Variants in TJP1 observed in about 807,000 individuals in gnomAD.
TJP1 encodes tight junction protein 1.
Under a neutral mutation model 194.2 loss-of-function variants are expected in TJP1, and 43 were observed. That is an observed-to-expected ratio of 0.22 (90% CI 0.17 to 0.29). The LOEUF (loss-of-function observed/expected upper bound fraction) is 0.29, where lower values mean the gene tolerates loss of function less well. Ranked by LOEUF, TJP1 falls within the 10% of genes least tolerant of loss-of-function variation. The probability of loss-of-function intolerance (pLI) is 1.00; values close to 1 mark genes in which losing one functional copy is unlikely to be tolerated. For synonymous variants in TJP1, 801 were observed against 779.0 expected (o/e 1.03, Z -0.47); for missense variants, 1,971 against 2,185.7 (o/e 0.90, Z 1.96).
chr15:29,834,377 G>A (rs927870214), intron 2 of TJP1, among the ~76,000 whole-genome samples: 8 of 151,616 alleles, frequency 5.3e-5, no homozygotes, highest in African/African-American at 1.5e-4. Context: ...GGCACCACCC[G>A]CCCAGCTAAT....
intron 1 of TJP1, among the ~76,000 whole-genome samples, chr15:29,965,161 G>C (rs943022534): frequency 2.6e-5 from 4 of 151,754 alleles, no homozygotes; most frequent in African/African-American, 9.7e-5. Context: ...CATATGCCTT[G>C]ACCAGTTTTC....
At chr15:29,890,121 G>A (rs1206839973) in intron 2 of TJP1, among the ~76,000 whole-genome samples, 1 of 152,062 alleles carries the variant, frequency 6.6e-6, no homozygotes, top group Non-Finnish European at 1.5e-5. Flanking sequence ...TTCCACCATG[G>A]GCCAGAGAGT....
chr15:29,861,509 C>G (rs1385295534), intron 2 of TJP1, among the ~76,000 whole-genome samples: 3 of 152,178 alleles, frequency 2.0e-5, no homozygotes, highest in Non-Finnish European at 4.4e-5. Context: ...TTTAGCATTC[C>G]AGTAGTGGAA....
At chr15:29,724,416 T>C (rs536049515) in intron 18 of TJP1, among the ~76,000 whole-genome samples, 6 of 152,372 alleles carry the variant, frequency 3.9e-5, no homozygotes, top group African/African-American at 1.4e-4. Flanking sequence ...TTCTGAATAC[T>C]ATAATCCAGT....
intron 2 of TJP1, among the ~76,000 whole-genome samples, chr15:29,917,642 G>A (rs1028412491): frequency 1.3e-5 from 2 of 152,116 alleles, no homozygotes; most frequent in African/African-American, 4.8e-5. Flanking sequence ...GGAATAGTAG[G>A]GTGGGTGTAG....
At chr15:29,764,745 A>C (rs1363067956) in intron 5 of TJP1, among the ~76,000 whole-genome samples, 1 of 152,170 alleles carries the variant, frequency 6.6e-6, no homozygotes, top group Non-Finnish European at 1.5e-5. Context: ...ACAAAGAAAA[A>C]TTTTAAGAGG....
chr15:29,949,311 CCACT>C (rs1567224485), intron 2 of TJP1, among the ~76,000 whole-genome samples: 55 of 129,064 alleles, frequency 4.3e-4, no homozygotes, highest in African/African-American at 1.7e-3. Context: ...ACCACCACCT[CCACT>C]TTCACCACCA....
rs751800822 is a variant in TJP1 at position 29,718,539 on chromosome 15, T to C, written c.3603A>G (p.Gln1201=). 1 of 1,614,168 alleles carries C rather than the reference T, an allele frequency of 6.2e-7. No individual in the cohort carries two copies. Among genetic ancestry groups the C allele is most frequent in the Non-Finnish European group, 8.5e-7 (1 of 1,180,038 alleles). ...TAGAGGTAAATCCTTGGGGTGGTAC[T>C]TGCTCGTAACTGCGTGAATATTGCT... ...YFEQYSRSYE[Q]VPPQGFTSRA... The change falls in exon 21 of 28, where the codon CAA becomes CAG. Residue 1201 remains glutamine, a synonymous_variant. Transcript: ENST00000614355.
chr15:29,805,938 G>GAT, intron 1 of TJP1, among the ~76,000 whole-genome samples: 1 of 152,282 alleles, frequency 6.6e-6, no homozygotes, highest in South Asian at 2.1e-4. Context: ...CGCTGGCTTT[G>GAT]ATATGACTAA....
chr15:29,934,231 CA>C (rs1567209957), intron 2 of TJP1, among the ~76,000 whole-genome samples: 2 of 152,152 alleles, frequency 1.3e-5, no homozygotes, highest in South Asian at 4.1e-4. Flanking sequence ...TTTGATGATA[CA>C]AGTGTCCATC....
intron 1 of TJP1, chr15:29,821,395 A>G (rs1220957484): frequency 1.3e-5 from 2 of 152,274 alleles, no homozygotes; most frequent in African/African-American, 4.8e-5. Flanking sequence ...TAAATGTTAA[A>G]GAGGTTATTT....
At position 29,766,305 on chromosome 15, in the gene TJP1, G is replaced by T. The variant is rs758246804; in HGVS notation, c.550C>A (p.Pro184Thr). ...GATTTCACCAGTGTGACTTTAGTAG[G>T]TTTAGCAGGCTGGCTGGAAGCCACT... ...RSVASSQPAK[P>T]TKVTLVKSRK... is the part of the protein sequence containing the mutation. Residue 184 changes from proline (P) to threonine (T), a missense_variant, in exon 5 of 28, where the codon CCT (proline) becomes ACT (threonine). This residue lies in a region of TJP1 where 245 missense variants were observed against 336.6 expected (regional missense o/e 0.73). Transcript: ENST00000614355. 1 of 1,614,160 alleles carries T rather than the reference G, an allele frequency of 6.2e-7. No homozygotes were observed. Among genetic ancestry groups the T allele is most frequent in the South Asian group, 1.1e-5 (1 of 91,064 alleles).
chr15:29,737,719 C>T (rs1442780659), intron 10 of TJP1, among the ~76,000 whole-genome samples: 1 of 152,092 alleles, frequency 6.6e-6, no homozygotes, highest in African/African-American at 2.4e-5. Context: ...TGGTACATTC[C>T]AAATGGCTAA....
In TJP1 at chr15:29,734,375, T is replaced by C; in HGVS notation, c.1415A>G (p.Asn472Ser). Residue 472 changes from asparagine to serine, a missense_variant, in exon 12 of 28, where the codon AAC becomes AGC. By Grantham distance (46) the Asn-to-Ser change is conservative. Coordinates refer to ENST00000614355, the MANE Select transcript of TJP1 (RefSeq NM_001330239.4). ...TCTTATGATATTTGTAAAATCTACG[T>C]TGTTTACCTAATAAATAAGATTTCA... The part of the protein sequence containing the change: ...EEGDQILRVN[N>S]VDFTNIIREE... 2 of 1,607,972 alleles carry C rather than the reference T, an allele frequency of 1.2e-6. No homozygotes were observed. The highest frequency in any genetic ancestry group is 1.7e-6 in the Non-Finnish European group (2 of 1,175,896).
At chr15:29,882,023 AT>A (rs1191656532) in intron 2 of TJP1, among the ~76,000 whole-genome samples, 4 of 152,076 alleles carry the variant, frequency 2.6e-5, no homozygotes, top group East Asian at 3.9e-4. Flanking sequence ...AGTTTTTCTT[AT>A]TTCTGTGGTA....
intron 2 of TJP1, among the ~76,000 whole-genome samples, chr15:29,948,907 ACTAATAACAC>A (rs1260553705): frequency 6.6e-6 from 1 of 151,792 alleles, no homozygotes; most frequent in Non-Finnish European, 1.5e-5. Flanking sequence ...CACATCTACT[ACTAATAACAC>A]CTCCACCACC....
rs1175317689 is a variant in TJP1 at position 29,822,427 on chromosome 15, G to A, written c.-399C>T. On this transcript the variant is annotated 5_prime_UTR_variant, in exon 1 of 28. Coordinates refer to ENST00000614355, the MANE Select transcript of TJP1 (RefSeq NM_001330239.4). The stretch of plus-strand genomic sequence containing the variant: ...GGAACCGGCGGCCGCCAAGGAACGC[G>A]GCGTCCGCTGGCTCAGCCGGCGCCG... The A allele has an allele frequency of 4.0e-6, 4 of 989,566 alleles. No homozygotes were observed. Among genetic ancestry groups the A allele is most frequent in the South Asian group, 4.7e-5 (1 of 21,332 alleles). The allele number at this position is 989,566 out of a possible 1,614,324, so 61.3% of individuals were successfully genotyped here.
At chr15:29,929,659 T>G (rs960172977) in intron 2 of TJP1, among the ~76,000 whole-genome samples, 1 of 152,118 alleles carries the variant, frequency 6.6e-6, no homozygotes, top group South Asian at 2.1e-4. Flanking sequence ...ATGGCGCCAC[T>G]GCACTCCAGC....
At position 29,753,403 on chromosome 15, in the gene TJP1, G is replaced by A. The variant is rs575857829; in HGVS notation, c.1010+7736C>T. Among the ~76,000 whole-genome samples, 6 of 146,036 alleles carry A rather than the reference G, an allele frequency of 4.1e-5. No individual in the cohort carries two copies. In the East Asian group the frequency reaches 1.0e-3, roughly 25 times the overall value. ...GGAGGCTGAGGCAGGAGAATAGCGT[G>A]AACCTGGGAGGCGGAGCTCGCAGTG... On this transcript the variant is annotated intron_variant, in intron 8 of 27. Transcript: ENST00000614355.
Sources: gnomAD v4.1 joint callset for allele counts (sites outside exome capture counted in the v4.1 genomes callset) on GRCh38, gnomAD v4.1.1 for gene constraint, gnomAD v4.1.1 regional missense constraint, MANE v1.5 for transcripts, NCBI Gene and HGNC (gene_info 2026-07-23, HGNC 2026-07-21) for gene names.